The following C2orf42 variants were observed in gnomAD, a reference collection of about 807,000 sequenced individuals.
C2orf42 encodes the protein uncharacterized protein C2orf42.
In C2orf42, 44 loss-of-function variants were observed where a neutral mutation model predicts 58.9. That is an observed-to-expected ratio of 0.75 (90% CI 0.59 to 0.96). C2orf42 has a LOEUF of 0.96. Among genes scored for constraint, C2orf42 ranks in the 40% least tolerant of loss-of-function variants. C2orf42 has a pLI of 0.00. For missense variants in C2orf42, 630 were observed against 699.2 expected (o/e 0.90, Z 1.12); for synonymous variants, 239 against 265.4 (o/e 0.90, Z 0.97).
chr2:70,165,490 C>T (rs149872836), intron 7 of C2orf42, 38 bp downstream of exon 7: 1,377 of 1,108,874 alleles, frequency 1.2e-3, no homozygotes, highest in Admixed American at 2.6e-3. Context: ...TCTCTATGTT[C>T]GAGACATCCA....
At chr2:70,182,997 A>C (rs1466475954) in intron 1 of C2orf42, 62 bp from the exon 2 acceptor site, 1 of 152,228 alleles carries the variant, frequency 6.6e-6, no homozygotes, top group African/African-American at 2.4e-5. Flanking sequence ...CTTTCGTTAG[A>C]AATCAAACAG....
intron 4 of C2orf42, among the ~76,000 whole-genome samples, chr2:70,178,869 G>C (rs1452046059): frequency 6.7e-6 from 1 of 148,700 alleles, no homozygotes; most frequent in Non-Finnish European, 1.5e-5. Context: ...AGGTTGCAGT[G>C]AGCTGAGATC....
chr2:70,171,370 A>C (rs1447562388), intron 5 of C2orf42, among the ~76,000 whole-genome samples: 2 of 152,224 alleles, frequency 1.3e-5, no homozygotes, highest in African/African-American at 4.8e-5. Flanking sequence ...CATATGCCCC[A>C]GACCCTCTCA....
In C2orf42 at chr2:70,150,409, GGGGCC is replaced by G; in HGVS notation, c.1667_1671del (p.Arg556ProfsTer42). ...GCCAGTTCCAAGGGCTGGTCCAAGG[GGGGCC>G]GCTGGTCTTGGTACTCCGCCACATG... On this transcript the variant is annotated frameshift_variant, in exon 10 of 10. Transcript: ENST00000264434. LOFTEE classifies it high-confidence loss of function. 6.2e-7 allele frequency: 1 copy of G among 1,614,156 alleles called. No individual in the cohort carries two copies. The highest frequency in any genetic ancestry group is 8.5e-7 in the Non-Finnish European group (1 of 1,180,040).
intron 6 of C2orf42, among the ~76,000 whole-genome samples, chr2:70,169,172 T>C (rs72841128): frequency 0.023 from 3,459 of 151,894 alleles, 99 homozygotes; most frequent in Admixed American, 0.079. Flanking sequence ...AGGCTTAGAT[T>C]TTCTCTAATC....
intron 6 of C2orf42, among the ~76,000 whole-genome samples, chr2:70,168,430 G>C (rs1165080345): frequency 2.7e-5 from 4 of 150,846 alleles, no homozygotes; most frequent in African/African-American, 9.7e-5. Context: ...TGGGACTACA[G>C]GCACCCGCCA....
intron 6 of C2orf42, among the ~76,000 whole-genome samples, 177 bp downstream of exon 6, chr2:70,169,380 C>T (rs1332480385): frequency 3.3e-5 from 5 of 151,960 alleles, no homozygotes; most frequent in African/African-American, 1.2e-4. Flanking sequence ...AATTTTGCTG[C>T]GCCTGAATTT....
chr2:70,171,695 A>G (rs1240340634), intron 5 of C2orf42, among the ~76,000 whole-genome samples: 1 of 151,750 alleles, frequency 6.6e-6, no homozygotes, highest in Non-Finnish European at 1.5e-5. Context: ...TATTTTTAGT[A>G]CAGATGGGGT....
At chr2:70,170,350 G>A (rs916235933) in intron 5 of C2orf42, among the ~76,000 whole-genome samples, 8 of 151,512 alleles carry the variant, frequency 5.3e-5, no homozygotes, top group African/African-American at 1.7e-4. Context: ...AGGTTTAAGC[G>A]ATTCTCATGC....
chr2:70,176,884 T>C (rs973571656), intron 4 of C2orf42, among the ~76,000 whole-genome samples: 1 of 152,198 alleles, frequency 6.6e-6, no homozygotes, highest in African/African-American at 2.4e-5. Flanking sequence ...CCCTTAGTTG[T>C]TTCTAATTTT....
At chr2:70,188,382 G>T (rs748356111) in intron 1 of C2orf42, among the ~76,000 whole-genome samples, 4 of 151,884 alleles carry the variant, frequency 2.6e-5, no homozygotes, top group African/African-American at 4.8e-5. Flanking sequence ...TTGAGACGGG[G>T]TTTCTCCATG....
chr2:70,179,573 G>A lies in C2orf42; in HGVS notation c.893C>T (p.Thr298Ile). ...SESTVSACES[T>I]ASKSKKRRKD... is the part of the protein sequence containing the mutation. ...TCTCCTCTTCTTTGACTTAGAGGCA[G>A]TAGACTCACAAGCAGATACTGTTGA... is the stretch of plus-strand genomic sequence containing the variant. Residue 298 changes from threonine to isoleucine, a missense_variant, in exon 4 of 10, where the codon ACT becomes ATT. Coordinates refer to ENST00000264434, the MANE Select transcript of C2orf42 (RefSeq NM_017880.3). 1 of 1,568,076 alleles carries A rather than the reference G, an allele frequency of 6.4e-7. No individual in the cohort carries two copies. The highest frequency in any genetic ancestry group is 1.1e-5 in the South Asian group (1 of 89,802).
chr2:70,158,485 T>C (rs1291123298), intron 9 of C2orf42, among the ~76,000 whole-genome samples: 6 of 152,142 alleles, frequency 3.9e-5, no homozygotes, highest in African/African-American at 4.8e-5. Context: ...AGTCTGGCCC[T>C]CTCGCCCAGG....
rs546334821 is a variant in C2orf42 at position 70,172,387 on chromosome 2, A to G, written c.1040-2726T>C. On this transcript the variant is annotated intron_variant, in intron 5 of 9. Transcript: ENST00000264434. ...CTATCATTCTATTTCTTTTCTTAAA[A>G]TATCTTTATTCCGGGCACGGTGGCT... 3.3e-5 allele frequency among the ~76,000 whole-genome samples: 5 copies of G among 151,100 alleles called. No individual in the cohort carries two copies. The South Asian group carries it at 1.1e-3, about 32-fold the overall frequency.
intron 5 of C2orf42, among the ~76,000 whole-genome samples, chr2:70,170,800 TA>T (rs1191698232): frequency 4.0e-5 from 6 of 149,966 alleles, no homozygotes; most frequent in African/African-American, 1.5e-4. Context: ...CTAAACTGCA[TA>T]TAAAAGAATG....
At chr2:70,166,456 A>G (rs1673410808) in intron 6 of C2orf42, among the ~76,000 whole-genome samples, 1 of 148,778 alleles carries the variant, frequency 6.7e-6, no homozygotes, top group African/African-American at 2.5e-5. Context: ...ACCTGAGGTC[A>G]GGAGTTCGAG....
At chr2:70,182,110 T>A (rs1194669866) in intron 2 of C2orf42, 113 bp from the exon 3 acceptor site, 2 of 625,156 alleles carry the variant, frequency 3.2e-6, no homozygotes. Flanking sequence ...TCTACTATTT[T>A]TTTTTTTTAG....
chr2:70,173,393 C>A (rs1017880386), intron 5 of C2orf42, among the ~76,000 whole-genome samples: 2 of 150,666 alleles, frequency 1.3e-5, no homozygotes, highest in African/African-American at 4.9e-5. Context: ...CCTGCCTCAG[C>A]CTCCCAAGTA....
chr2:70,160,189 G>C (rs183049131), intron 9 of C2orf42, among the ~76,000 whole-genome samples: 1 of 151,424 alleles, frequency 6.6e-6, no homozygotes, highest in East Asian at 1.9e-4. Context: ...GCCCAGGCTG[G>C]AGTGCAGTGG....
Sources: gnomAD v4.1 joint callset for allele counts (sites outside exome capture counted in the v4.1 genomes callset) on GRCh38, gnomAD v4.1.1 for gene constraint, MANE v1.5 for transcripts, NCBI Gene and HGNC (gene_info 2026-07-23, HGNC 2026-07-21) for gene names.